PTPN11: variants seen among roughly 807,000 people sequenced by gnomAD.
The protein encoded by PTPN11 is tyrosine-protein phosphatase non-receptor type 11.
PTPN11 carries 6 observed loss-of-function variants against 78.8 expected under a neutral mutation model. The ratio of observed to expected loss-of-function variants is 0.08; its 90% CI spans 0.04 to 0.15. The LOEUF (loss-of-function observed/expected upper bound fraction) is 0.15. Among genes scored for constraint, PTPN11 ranks in the 10% least tolerant of loss-of-function variants. PTPN11 has a pLI of 1.00. For synonymous variants in PTPN11, 221 were observed against 263.5 expected, an observed-to-expected ratio of 0.84 and a Z score of 1.56; for missense variants, 386 against 744.8, an observed-to-expected ratio of 0.52 and a Z score of 5.61.
intron 9 of PTPN11, among the ~76,000 whole-genome samples, chr12:112,478,796 T>A (rs2038550353): frequency 6.6e-6 from 1 of 152,174 alleles, no homozygotes; most frequent in Non-Finnish European, 1.5e-5. Context: ...TGCAGTGGCA[T>A]GATCTCAGCT....
At position 112,504,535 on chromosome 12, in the gene PTPN11, TCTCTTCTCTC is replaced by T. The variant is rs1182414074; in HGVS notation, c.1713-158_1713-149del. The stretch of plus-strand genomic sequence containing the variant: ...CTGTAATTATATTGCTGTATGGCTA[TCTCTTCTCTC>T]CCTGGGAATGTCAGGTCCTAGGCAC... On this transcript the variant is annotated intron_variant, in intron 14 of 15. Transcript: ENST00000351677. The surrounding 1 kb of genome is among the most constrained non-coding windows in gnomAD (Gnocchi z 4.7). Among the ~76,000 whole-genome samples, 1 of 152,242 alleles carries T rather than the reference TCTCTTCTCTC, an allele frequency of 6.6e-6. No homozygotes were observed. Among genetic ancestry groups the T allele is most frequent in the Non-Finnish European group, 1.5e-5 (1 of 68,046 alleles).
intron 1 of PTPN11, among the ~76,000 whole-genome samples, chr12:112,441,374 A>G (rs2037887684): frequency 6.6e-6 from 1 of 151,050 alleles, no homozygotes; most frequent in African/African-American, 2.4e-5. Context: ...CAATCCTCCC[A>G]CCTTAGCCTC....
rs1016540814 is a variant in PTPN11 at position 112,426,565 on chromosome 12, G to GT, written c.14+7448dup. Among the ~76,000 whole-genome samples, 86 of 151,510 alleles carry GT rather than the reference G, an allele frequency of 5.7e-4. No homozygotes were observed. In the South Asian group the frequency reaches 5.8e-3, roughly 10 times the overall value. Reference sequence around the variant, plus strand: ...AGCCACCGCAGCCGGCCAAAACTTTGTTTTTTTTCCTCTTTTTGTTGCTGA... The same window carrying GT: ...AGCCACCGCAGCCGGCCAAAACTTTGTTTTTTTTTCCTCTTTTTGTTGCTGA... On this transcript the variant is annotated intron_variant, in intron 1 of 15. Coordinates refer to ENST00000351677, the MANE Select transcript of PTPN11 (RefSeq NM_002834.5).
At chr12:112,469,022 C>G (rs2038372450) in intron 6 of PTPN11, among the ~76,000 whole-genome samples, 1 of 152,130 alleles carries the variant, frequency 6.6e-6, no homozygotes, top group South Asian at 2.1e-4. Context: ...TATGATCATA[C>G]CACTGCATTC....
At chr12:112,485,599 G>C (rs2038662422) in intron 10 of PTPN11, among the ~76,000 whole-genome samples, 1 of 152,188 alleles carries the variant, frequency 6.6e-6, no homozygotes, top group Non-Finnish European at 1.5e-5. Flanking sequence ...GTGAGTGTGA[G>C]TGCCTGGAAT....
intron 1 of PTPN11, among the ~76,000 whole-genome samples, chr12:112,445,214 C>A (rs543115606): frequency 2.8e-4 from 42 of 152,282 alleles, no homozygotes; most frequent in Admixed American, 2.1e-3. Context: ...TCACTGCAAC[C>A]TCTGCCTCCT....
Position 112,509,516 on chromosome 12 carries a change from TGAA to T in PTPN11, c.*3726_*3728del, listed in dbSNP as rs1309008969. 6.6e-6 allele frequency: 1 copy of T among 152,640 alleles called. No individual in the cohort carries two copies. The highest frequency in any genetic ancestry group is 2.4e-5 in the African/African-American group (1 of 41,454). 9.5% of individuals were successfully genotyped at this position (152,640 alleles called of 1,614,324 possible). A position where few individuals can be genotyped will look rare whatever the true frequency, so the allele number is the denominator to read the frequency against. On this transcript the variant is annotated 3_prime_UTR_variant, in exon 16 of 16. Coordinates refer to ENST00000351677, the MANE Select transcript of PTPN11 (RefSeq NM_002834.5). ...CTACAATTAATTTTCCTGCAGTATA[TGAA>T]GTATTGTACCAGAGTATTAAAAGAT... is the stretch of plus-strand genomic sequence containing the variant.
At chr12:112,477,788 T>G in intron 8 of PTPN11, 58 bp downstream of exon 8, 1 of 1,607,878 alleles carries the variant, frequency 6.2e-7, no homozygotes, top group South Asian at 1.1e-5. Context: ...ATTTTTGTAT[T>G]TTAAATCCTT....
chr12:112,486,740 ATC>A, intron 11 of PTPN11, 111 bp downstream of exon 11: 1 of 1,538,252 alleles, frequency 6.5e-7, no homozygotes, highest in Non-Finnish European at 8.8e-7. Context: ...AGAATTTAAT[ATC>A]TGTTTGAGGC....
At chr12:112,475,952 T>C (rs1223712062) in intron 7 of PTPN11, among the ~76,000 whole-genome samples, 1 of 151,194 alleles carries the variant, frequency 6.6e-6, no homozygotes, top group Non-Finnish European at 1.5e-5. Flanking sequence ...AGCCTTATCC[T>C]TTTTTTTTGG....
At position 112,476,718 on chromosome 12, in the gene PTPN11, G is replaced by A. The variant is rs559535298; in HGVS notation, c.854-933G>A. On this transcript the variant is annotated intron_variant, in intron 7 of 15. Transcript: ENST00000351677. ...CAGGAGGCAGAGGTTGCAGAGAGCC[G>A]AGATAGTGCTATTGCACTCCAACCT... Among the ~76,000 whole-genome samples, 48 of 152,242 alleles carry A rather than the reference G, an allele frequency of 3.2e-4. No individual in the cohort carries two copies. In the South Asian group the frequency reaches 4.8e-3, roughly 15 times the overall value.
At chr12:112,439,499 C>T (rs1354756236) in intron 1 of PTPN11, among the ~76,000 whole-genome samples, 2 of 151,898 alleles carry the variant, frequency 1.3e-5, no homozygotes, top group African/African-American at 2.4e-5. Flanking sequence ...GACGGAGTCT[C>T]GCTCTTTTGT....
At chr12:112,452,030 C>T (rs989640876) in intron 3 of PTPN11, among the ~76,000 whole-genome samples, 13 of 151,732 alleles carry the variant, frequency 8.6e-5, no homozygotes, top group Middle Eastern at 3.4e-3. Context: ...CATGTGCCAC[C>T]ATGCCCAGTT....
chr12:112,444,836 C>T (rs567691117), intron 1 of PTPN11, among the ~76,000 whole-genome samples: 1 of 152,258 alleles, frequency 6.6e-6, no homozygotes, highest in African/African-American at 2.4e-5. Flanking sequence ...CTTGTTGGAA[C>T]TCTTACTGGC....
At chr12:112,489,222 C>A (rs745501907) in intron 13 of PTPN11, 47 bp downstream of exon 13, 6 of 1,606,280 alleles carry the variant, frequency 3.7e-6, no homozygotes, top group Non-Finnish European at 4.3e-6. Context: ...TCTTGCTAGG[C>A]CTCTTGGATA....
At chr12:112,479,566 G>A (rs2038561886) in intron 9 of PTPN11, among the ~76,000 whole-genome samples, 1 of 152,138 alleles carries the variant, frequency 6.6e-6, no homozygotes. Flanking sequence ...AAATGCCTGT[G>A]GTAACATTAG....
intron 1 of PTPN11, among the ~76,000 whole-genome samples, chr12:112,432,722 G>A (rs910371396): frequency 6.6e-6 from 1 of 150,730 alleles, no homozygotes; most frequent in African/African-American, 2.4e-5. Flanking sequence ...GCTCACACCT[G>A]TAATCCCAGT....
intron 1 of PTPN11, among the ~76,000 whole-genome samples, chr12:112,422,512 C>T (rs190546934): frequency 9.2e-5 from 14 of 152,278 alleles, no homozygotes; most frequent in South Asian, 6.2e-4. Context: ...GAAATCCATA[C>T]GCGACGATGA....
intron 9 of PTPN11, among the ~76,000 whole-genome samples, chr12:112,478,908 T>A (rs1004539950): frequency 4.8e-4 from 73 of 152,140 alleles, no homozygotes; most frequent in African/African-American, 1.7e-3. Context: ...AATTTTTGTA[T>A]TTTTAGTAGA....
Sources: allele counts gnomAD v4.1 joint callset (sites outside exome capture counted in the v4.1 genomes callset), GRCh38; gene constraint gnomAD v4.1.1; non-coding constraint Gnocchi (gnomAD v3.1); transcripts MANE v1.5; gene names NCBI Gene and HGNC (gene_info 2026-07-23, HGNC 2026-07-21).